HOXB9: variants seen among roughly 807,000 people sequenced by gnomAD.
The protein encoded by HOXB9 is homeobox B9.
In HOXB9, 10 loss-of-function variants were observed where a neutral mutation model predicts 21.5. That is an observed-to-expected ratio of 0.47 (90% confidence interval 0.29 to 0.79). HOXB9 has a LOEUF of 0.79. HOXB9 is among the 30% of genes least tolerant of loss of function. The pLI is 0.10. For synonymous variants in HOXB9, 156 were observed against 151.2 expected (o/e 1.03, Z -0.23); for missense variants, 375 against 338.7 (o/e 1.11, Z -0.84).
In HOXB9 at chr17:48,626,177, G is replaced by T. The variant is rs1048616116; in HGVS notation, c.93C>A (p.Gly31=). The T allele has an allele frequency of 1.3e-5, 21 of 1,599,168 alleles. No individual in the cohort carries two copies. The highest frequency in any genetic ancestry group is 1.8e-5 in the Non-Finnish European group (21 of 1,179,516). The change falls in exon 1 of 2, where the codon GGC becomes GGA. Residue 31 remains glycine (G), a synonymous_variant. Coordinates refer to ENST00000311177, the MANE Select transcript of HOXB9 (RefSeq NM_024017.5). ...EDAPPAKFPS[G]QYASSRQPGH... is the part of the protein sequence containing the mutation. ...CCGGCTGCCGCGAGCTCGCGTACTGGCCAGAAGGAAACTTGGCTGGAGGCG... is the reference window on the plus strand; with the variant it reads ...CCGGCTGCCGCGAGCTCGCGTACTGTCCAGAAGGAAACTTGGCTGGAGGCG...
At position 48,626,022 on chromosome 17, in the gene HOXB9, T is replaced by C; in HGVS notation, c.248A>G (p.Gln83Arg). 6.3e-7 allele frequency: 1 copy of C among 1,575,548 alleles called. No individual in the cohort carries two copies. Among genetic ancestry groups the C allele is most frequent in the East Asian group, 2.3e-5 (1 of 43,870 alleles). ...SLPSVYHPYI[Q>R]PQGVPPAESR... Reference sequence around the variant, plus strand: ...CTCGGCCGGCGGGACGCCCTGGGGCTGGATGTAAGGGTGGTAGACGGACGG... The same window carrying C: ...CTCGGCCGGCGGGACGCCCTGGGGCCGGATGTAAGGGTGGTAGACGGACGG... Residue 83 changes from glutamine (Q) to arginine (R), a missense_variant, in exon 1 of 2, where the codon CAG (glutamine) becomes CGG (arginine). Transcript: ENST00000311177.
Position 48,625,841 on chromosome 17 carries a change from G to A in HOXB9, c.429C>T (p.Gly143=). Residue 143 remains glycine (G), a synonymous_variant, in exon 1 of 2, where the codon GGC becomes GGT. Transcript: ENST00000311177. Reference sequence around the variant, plus strand: ...TTTGATTAGACAGCACGGCCTCCCTGCCCGCCGAAGTTTCCAAACTGTACT... The same window carrying A: ...TTTGATTAGACAGCACGGCCTCCCTACCCGCCGAAGTTTCCAAACTGTACT... ...TPEYSLETSA[G]REAVLSNQRP... is the part of the protein sequence containing the mutation. The A allele has an allele frequency of 1.2e-6, 2 of 1,611,698 alleles. No individual in the cohort carries two copies. The highest frequency in any genetic ancestry group is 2.2e-5 in the East Asian group (1 of 44,504).
At chr17:48,624,388 C>T (rs757761575) in intron 1 of HOXB9, among the ~76,000 whole-genome samples, 48 of 152,244 alleles carry the variant, frequency 3.2e-4, no homozygotes, top group Non-Finnish European at 4.7e-4. Flanking sequence ...GGCTGCCTTG[C>T]CATAATGGGC....
chr17:48,622,906 T>C lies in HOXB9; in HGVS notation c.747A>G (p.Lys249=). The part of the protein sequence containing the change: ...KMKKMNKEQG[K]E ...TGGGGGTAATCTTTAATCTTTACTC[T>C]TTGCCCTGCTCCTTATTCATTTTCT... Residue 249 remains lysine (K), a synonymous_variant, in exon 2 of 2, where the codon AAA becomes AAG. Transcript: ENST00000311177. 6.2e-7 allele frequency: 1 copy of C among 1,612,354 alleles called. No homozygotes were observed.
In HOXB9 at chr17:48,625,782, C is replaced by A. The variant is rs144092219; in HGVS notation, c.488G>T (p.Gly163Val). The change falls in exon 1 of 2, where the codon GGA (glycine) becomes GTA (valine). Residue 163 changes from glycine to valine, a missense_variant. Coordinates refer to ENST00000311177, the MANE Select transcript of HOXB9 (RefSeq NM_024017.5). ...ATCCGGCCTCTCTTTGTCCTCGCTT[C>A]CTTCGCAAATTTTATTGTCCCCGTA... ...PGYGDNKICE[G>V]SEDKERPDQT... 5.2e-4 allele frequency: 838 copies of A among 1,601,428 alleles called. 7 individuals carry two copies. The African/African-American group carries it at 0.01, about 20-fold the overall frequency.
Position 48,626,117 on chromosome 17 carries a change from G to A in HOXB9, c.153C>T (p.Ser51=), listed in dbSNP as rs780468902. ...CGAACACCGGCGCTTTGGGCTGGAA[G>A]CTGCACGAGGGGAACTCCAGGTGCT... ...HAEHLEFPSC[S]FQPKAPVFGA... is the part of the protein sequence containing the mutation. The change falls in exon 1 of 2, where the codon AGC becomes AGT. Residue 51 remains serine, a synonymous_variant. Transcript: ENST00000311177. The A allele has an allele frequency of 2.5e-5, 39 of 1,584,660 alleles. No homozygotes were observed. Among genetic ancestry groups the A allele is most frequent in the Non-Finnish European group, 3.2e-5 (38 of 1,172,110 alleles).
intron 1 of HOXB9, among the ~76,000 whole-genome samples, chr17:48,625,114 C>T (rs1328032879): frequency 6.6e-6 from 1 of 152,242 alleles, no homozygotes; most frequent in South Asian, 2.1e-4. Flanking sequence ...GCCGGCGCAT[C>T]CGGGGAGGGG....
chr17:48,626,355 G>A lies in HOXB9; in HGVS notation c.-86C>T, dbSNP rs866952271. ...GCAGGGAGAGGTGGCACCCGGACCG[G>A]TGTGAGGGCTTTCGGACGCGACCCC... On this transcript the variant is annotated 5_prime_UTR_variant, in exon 1 of 2. Transcript: ENST00000311177. 1.9e-5 allele frequency: 26 copies of A among 1,393,934 alleles called. No individual in the cohort carries two copies. Among genetic ancestry groups the A allele is most frequent in the Middle Eastern group, 5.2e-4 (2 of 3,840 alleles). 86.3% of individuals were successfully genotyped at this position (1,393,934 alleles called of 1,614,324 possible).
Position 48,622,855 on chromosome 17 carries a change from T to G in HOXB9, c.*45A>C. 76 of 1,395,784 alleles carry G rather than the reference T, an allele frequency of 5.4e-5. No individual in the cohort carries two copies. The highest frequency in any genetic ancestry group is 7.0e-5 in the Non-Finnish European group (69 of 987,838). The allele number at this position is 1,395,784 out of a possible 1,614,324, so 86.5% of individuals were successfully genotyped here. A position where few individuals can be genotyped will look rare whatever the true frequency, so the allele number is the denominator to read the frequency against. ...TTTGCAGTCGTCACATAACTAAGAG[T>G]GAGATGGGGAAGAGCTAGGGAGGAC... On this transcript the variant is annotated 3_prime_UTR_variant, in exon 2 of 2. Coordinates refer to ENST00000311177, the MANE Select transcript of HOXB9 (RefSeq NM_024017.5).
chr17:48,625,266 C>G (rs115739674), intron 1 of HOXB9, among the ~76,000 whole-genome samples: 12 of 152,272 alleles, frequency 7.9e-5, no homozygotes, highest in African/African-American at 2.7e-4. Context: ...GCTCCCTCCC[C>G]CTTCCCCTTG....
At position 48,625,272 on chromosome 17, in the gene HOXB9, C is replaced by T. The variant is rs78306280; in HGVS notation, c.517+481G>A. On this transcript the variant is annotated intron_variant, in intron 1 of 1. Transcript: ENST00000311177. The stretch of plus-strand genomic sequence containing the variant: ...TCCTAATGAGCTCCCTCCCCCTTCC[C>T]CTTGGCCGGCTTTTACGGTCTGCGC... 1.8e-4 allele frequency among the ~76,000 whole-genome samples: 27 copies of T among 152,390 alleles called. 1 individual carries two copies. The East Asian group carries it at 5.2e-3, about 29-fold the overall frequency.
chr17:48,626,218 G>T lies in HOXB9; in HGVS notation c.52C>A (p.His18Asn). 6.3e-7 allele frequency: 1 copy of T among 1,599,016 alleles called. No individual in the cohort carries two copies. The highest frequency in any genetic ancestry group is 8.5e-7 in the Non-Finnish European group (1 of 1,179,696). ...GCTGGAGGCGCGTCCTCACTCTCGT[G>T]ACTTATGATCGAGTCGACATAATAG... ...SSYYVDSIIS[H>N]ESEDAPPAKF... Residue 18 changes from histidine to asparagine, a missense_variant, in exon 1 of 2, where the codon CAC becomes AAC. Coordinates refer to ENST00000311177, the MANE Select transcript of HOXB9 (RefSeq NM_024017.5).
rs1440171322 is a variant in HOXB9, at chr17:48,622,660, G to C, written c.*240C>G. The C allele has an allele frequency of 2.3e-6, 1 of 438,610 alleles. No homozygotes were observed. The highest frequency in any genetic ancestry group is 4.1e-6 in the Non-Finnish European group (1 of 244,408). The allele number at this position is 438,610 out of a possible 1,614,324, so 27.2% of individuals were successfully genotyped here. A position where few individuals can be genotyped will look rare whatever the true frequency, so the allele number is the denominator to read the frequency against. ...TCCTTGTGGCCCATCACATTCTTAG[G>C]AACCAACTATTTCTATCTTCTAAAT... On this transcript the variant is annotated 3_prime_UTR_variant, in exon 2 of 2. Coordinates refer to ENST00000311177, the MANE Select transcript of HOXB9 (RefSeq NM_024017.5).
chr17:48,623,591 C>T (rs964722766), intron 1 of HOXB9, among the ~76,000 whole-genome samples: 1 of 152,070 alleles, frequency 6.6e-6, no homozygotes, highest in African/African-American at 2.4e-5. Context: ...TTTGGGGTGT[C>T]ACTTCACCCC....
chr17:48,625,568 T>C (rs1045809230), intron 1 of HOXB9, among the ~76,000 whole-genome samples, 185 bp downstream of exon 1: 1 of 152,120 alleles, frequency 6.6e-6, no homozygotes, highest in African/African-American at 2.4e-5. Flanking sequence ...GGCCTCAGTC[T>C]CCCCTTCTAG....
At position 48,622,346 on chromosome 17, in the gene HOXB9, G is replaced by A. The variant is rs896822606; in HGVS notation, c.*554C>T. ...TCTGCCTCTAGACATCTCCCTGGTGGGTATTTGCATTAGGGGTAGAACCCG... is the reference window on the plus strand; with the variant it reads ...TCTGCCTCTAGACATCTCCCTGGTGAGTATTTGCATTAGGGGTAGAACCCG... On this transcript the variant is annotated 3_prime_UTR_variant, in exon 2 of 2. Transcript: ENST00000311177. The A allele has an allele frequency of 6.5e-6, 1 of 153,308 alleles. No individual in the cohort carries two copies. Among genetic ancestry groups the A allele is most frequent in the Non-Finnish European group, 1.5e-5 (1 of 68,582 alleles). The allele number at this position is 153,308 out of a possible 1,614,324, so 9.5% of individuals were successfully genotyped here.
At chr17:48,625,462 G>T (rs962145512) in intron 1 of HOXB9, among the ~76,000 whole-genome samples, 1 of 152,202 alleles carries the variant, frequency 6.6e-6, no homozygotes, top group African/African-American at 2.4e-5. Context: ...GGGCCTCCGG[G>T]AGAGAGGGGG....
At chr17:48,623,278 C>G (rs1161377927) in intron 1 of HOXB9, 143 bp from the exon 2 acceptor site, 1 of 636,332 alleles carries the variant, frequency 1.6e-6, no homozygotes, top group East Asian at 2.7e-5. Context: ...AAGGGTGTCA[C>G]AGATGGGCCA....
At position 48,622,374 on chromosome 17, in the gene HOXB9, C is replaced by T. The variant is rs1406407794; in HGVS notation, c.*526G>A. ...ATTTGCATTAGGGGTAGAACCCGGGCTTGCCTGACAGTCTGAGGGCTGTTT... is the reference window on the plus strand; with the variant it reads ...ATTTGCATTAGGGGTAGAACCCGGGTTTGCCTGACAGTCTGAGGGCTGTTT... On this transcript the variant is annotated 3_prime_UTR_variant, in exon 2 of 2. Transcript: ENST00000311177. 1 of 154,198 alleles carries T rather than the reference C, an allele frequency of 6.5e-6. No individual in the cohort carries two copies. The highest frequency in any genetic ancestry group is 1.4e-5 in the Non-Finnish European group (1 of 69,138). The allele number at this position is 154,198 out of a possible 1,614,324, so 9.6% of individuals were successfully genotyped here.
Sources: gnomAD v4.1 joint callset for allele counts (sites outside exome capture counted in the v4.1 genomes callset) on GRCh38, gnomAD v4.1.1 for gene constraint, MANE v1.5 for transcripts, NCBI Gene and HGNC (gene_info 2026-07-23, HGNC 2026-07-21) for gene names.